TENM1: variants seen among roughly 807,000 people sequenced by gnomAD.
TENM1 encodes the protein teneurin-1.
A neutral mutation model predicts 174.8 loss-of-function variants in TENM1; 35 were observed. The observed-to-expected ratio is 0.20, with a 90% CI of 0.15 to 0.27. The LOEUF (loss-of-function observed/expected upper bound fraction) is 0.27, where lower values mean the gene tolerates loss of function less well. Ranked by LOEUF, TENM1 falls within the 10% of genes least tolerant of loss-of-function variation. The probability of loss-of-function intolerance (pLI) is 1.00; values close to 1 mark genes in which losing one functional copy is unlikely to be tolerated. For missense variants in TENM1, 1,633 were observed against 2,130.1 expected (o/e 0.77, Z 4.59); for synonymous variants, 781 against 798.7 (o/e 0.98, Z 0.37).
At chrX:124,451,063 T>C (rs1038458408) in intron 23 of TENM1, among the ~76,000 whole-genome samples, 2 of 112,209 alleles carry the variant, frequency 1.8e-5, no homozygotes, top group African/African-American at 6.5e-5. Context: ...CACAAATTTA[T>C]GGAATGTTAG....
chrX:124,843,101 A>T (rs1164634501), intron 3 of TENM1, among the ~76,000 whole-genome samples: 2 of 111,160 alleles, frequency 1.8e-5, no homozygotes, highest in Non-Finnish European at 3.8e-5. Flanking sequence ...TCAGAGTATC[A>T]TTTTTGCCTT....
At chrX:124,684,064 A>C (rs1348005845) in intron 5 of TENM1, among the ~76,000 whole-genome samples, 1 of 112,431 alleles carries the variant, frequency 8.9e-6, no homozygotes, top group African/African-American at 3.2e-5. Context: ...TTTCAATAGA[A>C]ACATGGACAA....
At chrX:124,889,186 C>T (rs1302691217) in intron 3 of TENM1, among the ~76,000 whole-genome samples, 2 of 111,087 alleles carry the variant, frequency 1.8e-5, no homozygotes, top group African/African-American at 6.5e-5. Flanking sequence ...ACTGACAGCC[C>T]TGCATTGGGA....
chrX:125,135,900 T>C, the TENM1 span, among the ~76,000 whole-genome samples: 1 of 111,917 alleles, frequency 8.9e-6, no homozygotes, highest in Non-Finnish European at 1.9e-5. Flanking sequence ...ATGAATTCTT[T>C]GTTGGACTAT....
At chrX:124,539,877 C>T (rs1255812222) in intron 15 of TENM1, among the ~76,000 whole-genome samples, 2 of 111,821 alleles carry the variant, frequency 1.8e-5, no homozygotes, top group Admixed American at 9.5e-5. Flanking sequence ...CATGCTCACC[C>T]GAGCCAATTA....
chrX:124,638,052 C>T (rs1299130368), intron 11 of TENM1, among the ~76,000 whole-genome samples: 2 of 111,695 alleles, frequency 1.8e-5, no homozygotes, highest in Non-Finnish European at 3.8e-5. Flanking sequence ...CACTTTTTTC[C>T]AGATCTAATA....
chrX:124,613,682 T>C, intron 11 of TENM1, among the ~76,000 whole-genome samples: 1 of 111,797 alleles, frequency 8.9e-6, no homozygotes, highest in Non-Finnish European at 1.9e-5. Flanking sequence ...TTTTCCTCAA[T>C]GTTTTTTTCT....
chrX:124,972,522 T>C, the TENM1 span, among the ~76,000 whole-genome samples: 476 of 111,981 alleles, frequency 4.3e-3, 1 homozygote, highest in African/African-American at 0.014. Context: ...AGTCAGAAAA[T>C]GAATTATAGT....
At chrX:124,946,212 C>T (rs2058400263) in intron 1 of TENM1, among the ~76,000 whole-genome samples, 1 of 111,272 alleles carries the variant, frequency 9.0e-6, no homozygotes, top group Non-Finnish European at 1.9e-5. Context: ...GCAGCAATAG[C>T]TGGAATAAAA....
At chrX:125,130,248 G>A in the TENM1 span, among the ~76,000 whole-genome samples, 1 of 108,029 alleles carries the variant, frequency 9.3e-6, no homozygotes, top group Admixed American at 9.7e-5. Flanking sequence ...GAGGCAGTTT[G>A]GATATTTTAA....
intron 3 of TENM1, among the ~76,000 whole-genome samples, chrX:124,845,578 C>A (rs973830472): frequency 1.8e-5 from 2 of 111,532 alleles, no homozygotes; most frequent in African/African-American, 6.5e-5. Context: ...TCAGATAAGT[C>A]CCTTGGTTTT....
intron 3 of TENM1, among the ~76,000 whole-genome samples, chrX:124,799,600 T>C (rs1307727416): frequency 9.0e-6 from 1 of 111,607 alleles, no homozygotes; most frequent in Admixed American, 9.5e-5. Flanking sequence ...TTTATTTCTT[T>C]CTTTTGCCTG....
At chrX:124,871,959 G>C (rs1327598882) in intron 3 of TENM1, among the ~76,000 whole-genome samples, 3 of 106,844 alleles carry the variant, frequency 2.8e-5, no homozygotes, top group African/African-American at 1.0e-4. Flanking sequence ...TTGAACCCAG[G>C]AGGCCGAGGT....
chrX:125,090,240 A>C, the TENM1 span, among the ~76,000 whole-genome samples: 1 of 111,991 alleles, frequency 8.9e-6, no homozygotes, highest in African/African-American at 3.2e-5. Flanking sequence ...GTCAGGCACT[A>C]TGCTAGAAGC....
intron 4 of TENM1, among the ~76,000 whole-genome samples, chrX:124,732,978 C>A (rs762302160): frequency 1.0e-3 from 112 of 111,771 alleles, no homozygotes; most frequent in Non-Finnish European, 1.6e-3. Flanking sequence ...CTCGAGGCAA[C>A]CTGAATGTCT....
At chrX:124,392,410 G>T in intron 27 of TENM1, 62 bp from the exon 31 acceptor site, 1 of 901,878 alleles carries the variant, frequency 1.1e-6, no homozygotes. Context: ...TTAGAGCACT[G>T]ACAATCATGA....
chrX:124,970,925 G>A, the TENM1 span, among the ~76,000 whole-genome samples: 1 of 110,266 alleles, frequency 9.1e-6, no homozygotes, highest in Non-Finnish European at 1.9e-5. Context: ...AGAAAATGTG[G>A]CACATATATA....
chrX:124,731,751 C>A (rs912152670), intron 4 of TENM1, among the ~76,000 whole-genome samples: 2 of 111,938 alleles, frequency 1.8e-5, no homozygotes, highest in African/African-American at 3.3e-5. Flanking sequence ...CATTTCTATT[C>A]TTGACATGGT....
the TENM1 span, among the ~76,000 whole-genome samples, chrX:125,150,424 C>T: frequency 8.9e-6 from 1 of 111,851 alleles, no homozygotes; most frequent in Non-Finnish European, 1.9e-5. Context: ...ATTCCTTTCA[C>T]GTGGCCTCTG....
Sources: gnomAD v4.1 joint callset for allele counts (sites outside exome capture counted in the v4.1 genomes callset) on GRCh38, gnomAD v4.1.1 for gene constraint, MANE v1.5 for transcripts, NCBI Gene and HGNC (gene_info 2026-07-23, HGNC 2026-07-21) for gene names.